SOCS5: variants seen among roughly 807,000 people sequenced by gnomAD.
SOCS5 encodes the protein CIS-6.
In SOCS5, 32 loss-of-function variants were observed where a neutral mutation model predicts 42.8. That is an observed-to-expected ratio of 0.75 (90% CI 0.56 to 1.01). The LOEUF (loss-of-function observed/expected upper bound fraction) is 1.01, where lower values mean the gene tolerates loss of function less well. Ranked by LOEUF, SOCS5 falls within the 50% of genes least tolerant of loss-of-function variation. The pLI is 0.00. For synonymous variants in SOCS5, 283 were observed against 229.6 expected (o/e 1.23, Z -2.10); for missense variants, 627 against 653.0 (o/e 0.96, Z 0.43).
At chr2:46,720,751 C>G (rs1283669666) in intron 1 of SOCS5, among the ~76,000 whole-genome samples, 1 of 152,110 alleles carries the variant, frequency 6.6e-6, no homozygotes, top group Admixed American at 6.6e-5. Context: ...ACAGCTGATG[C>G]ATCATAGGGG....
intron 1 of SOCS5, among the ~76,000 whole-genome samples, chr2:46,704,414 C>T (rs1393200950): frequency 6.6e-6 from 1 of 152,204 alleles, no homozygotes; most frequent in African/African-American, 2.4e-5. Context: ...GATACGGGAA[C>T]TGCAGGTTAG....
At chr2:46,748,535 G>A (rs1429922313) in intron 1 of SOCS5, among the ~76,000 whole-genome samples, 1 of 151,996 alleles carries the variant, frequency 6.6e-6, no homozygotes, top group Non-Finnish European at 1.5e-5. Flanking sequence ...CCAAAAAGGG[G>A]CACGCATTGT....
Position 46,758,542 on chromosome 2 carries a change from G to C in SOCS5, c.12G>C (p.Val4=). 1 of 1,586,698 alleles carries C rather than the reference G, an allele frequency of 6.3e-7. No individual in the cohort carries two copies. Among genetic ancestry groups the C allele is most frequent in the South Asian group, 1.2e-5 (1 of 85,762 alleles). MDK[V]GKMWNNFKYR... Reference sequence around the variant, plus strand: ...AGATTTTATAATCAATGGATAAAGTGGGAAAAATGTGGAATAACTTCAAAT... The same window carrying C: ...AGATTTTATAATCAATGGATAAAGTCGGAAAAATGTGGAATAACTTCAAAT... Residue 4 remains valine (V), a synonymous_variant, in exon 2 of 2, where the codon GTG becomes GTC. Coordinates refer to ENST00000394861, the MANE Select transcript of SOCS5 (RefSeq NM_144949.3).
intron 1 of SOCS5, among the ~76,000 whole-genome samples, chr2:46,702,196 G>A (rs1001656084): frequency 6.6e-6 from 1 of 152,120 alleles, no homozygotes; most frequent in Non-Finnish European, 1.5e-5. Flanking sequence ...ATTCTCTGTG[G>A]TTCGTTAGAT....
intron 1 of SOCS5, among the ~76,000 whole-genome samples, chr2:46,732,508 C>T (rs376827759): frequency 6.6e-6 from 1 of 152,226 alleles, no homozygotes; most frequent in Admixed American, 6.5e-5. Context: ...AAAAGAAACA[C>T]TGTTAATGAA....
chr2:46,723,836 TA>T (rs1386141335), intron 1 of SOCS5, among the ~76,000 whole-genome samples: 1 of 152,084 alleles, frequency 6.6e-6, no homozygotes, highest in Non-Finnish European at 1.5e-5. Context: ...AGAATTGTGT[TA>T]AATCTGTAGA....
In SOCS5 at chr2:46,752,131, C is replaced by A. The variant is rs1243543032; in HGVS notation, c.-12-6388C>A. ...GAGAAAATGTTTGCTGAACCCTGTA[C>A]CACATTAGAGAAACCTATTTAGTTC... On this transcript the variant is annotated intron_variant, in intron 1 of 1. Coordinates refer to ENST00000394861, the MANE Select transcript of SOCS5 (RefSeq NM_144949.3). 2.6e-5 allele frequency among the ~76,000 whole-genome samples: 4 copies of A among 151,834 alleles called. No individual in the cohort carries two copies. The South Asian group carries it at 8.3e-4, about 31-fold the overall frequency.
Position 46,758,585 on chromosome 2 carries a change from T to C in SOCS5, c.55T>C (p.Phe19Leu). The C allele has an allele frequency of 5.0e-6, 8 of 1,611,778 alleles. No homozygotes were observed. Among genetic ancestry groups the C allele is most frequent in the Non-Finnish European group, 6.8e-6 (8 of 1,178,710 alleles). Reference sequence around the variant, plus strand: ...CTTCAAATACAGGTGTCAGAATCTCTTCGGTCATGAGGGAGGAAGCCGTAG... The same window carrying C: ...CTTCAAATACAGGTGTCAGAATCTCCTCGGTCATGAGGGAGGAAGCCGTAG... Reference protein sequence around the residue: ...NNFKYRCQNLFGHEGGSRSEN... With the variant: ...NNFKYRCQNLLGHEGGSRSEN... Residue 19 changes from phenylalanine (F) to leucine (L), a missense_variant, in exon 2 of 2, where the codon TTC becomes CTC. Physicochemically the swap from Phe to Leu is conservative, Grantham distance 22. Coordinates refer to ENST00000394861, the MANE Select transcript of SOCS5 (RefSeq NM_144949.3).
chr2:46,710,373 C>T (rs1252033204), intron 1 of SOCS5, among the ~76,000 whole-genome samples: 1 of 152,122 alleles, frequency 6.6e-6, no homozygotes, highest in Non-Finnish European at 1.5e-5. Flanking sequence ...TCTCAAACTG[C>T]TGACCTCGTG....
intron 1 of SOCS5, among the ~76,000 whole-genome samples, chr2:46,748,228 C>G (rs1336715524): frequency 6.6e-6 from 1 of 150,834 alleles, no homozygotes; most frequent in Non-Finnish European, 1.5e-5. Context: ...CTCTGTCACC[C>G]AGGCTGGAGT....
intron 1 of SOCS5, among the ~76,000 whole-genome samples, chr2:46,711,462 C>T (rs1224021962): frequency 6.6e-6 from 1 of 152,090 alleles, no homozygotes; most frequent in Admixed American, 6.5e-5. Flanking sequence ...TAACCAGTTA[C>T]CAATTTTATG....
intron 1 of SOCS5, among the ~76,000 whole-genome samples, chr2:46,726,307 A>G (rs1221291254): frequency 6.6e-6 from 1 of 152,058 alleles, no homozygotes; most frequent in East Asian, 1.9e-4. Context: ...CATACTGGCC[A>G]GACTGATCTA....
intron 1 of SOCS5, among the ~76,000 whole-genome samples, chr2:46,728,447 A>G (rs1673043220): frequency 6.6e-6 from 1 of 152,160 alleles, no homozygotes; most frequent in Non-Finnish European, 1.5e-5. Flanking sequence ...GGCACTTATT[A>G]CATATATTAT....
rs35187667 is a variant in SOCS5 at position 46,716,367 on chromosome 2, A to ATTTTTTTTTTTTTTTTTTTTT, written c.-13+16927_-13+16947dup. 4.7e-4 allele frequency among the ~76,000 whole-genome samples: 8 copies of ATTTTTTTTTTTTTTTTTTTTT among 17,014 alleles called. 1 individual carries two copies. Among genetic ancestry groups the ATTTTTTTTTTTTTTTTTTTTT allele is most frequent in the Admixed American group, 9.7e-4 (1 of 1,034 alleles). The allele number at this position is 17,014 out of a possible 152,430, so 11.2% of individuals were successfully genotyped here. A position where few individuals can be genotyped will look rare whatever the true frequency, so the allele number is the denominator to read the frequency against. On this transcript the variant is annotated intron_variant, in intron 1 of 1. Transcript: ENST00000394861. ...GGATTTCATGATGTTGAGTGTCTTC[A>ATTTTTTTTTTTTTTTTTTTTT]TTTTTTTTTTTTTTTTTTTTTTTTT...
Position 46,743,716 on chromosome 2 carries a change from G to A in SOCS5, c.-12-14803G>A, listed in dbSNP as rs138244253. Among the ~76,000 whole-genome samples, 32 of 152,210 alleles carry A rather than the reference G, an allele frequency of 2.1e-4. 1 individual carries two copies. The highest frequency in any genetic ancestry group is 7.0e-4 in the African/African-American group (29 of 41,500). On this transcript the variant is annotated intron_variant, in intron 1 of 1. Transcript: ENST00000394861. The stretch of plus-strand genomic sequence containing the variant: ...GTTCACATGCCTCTGGCAAACATAT[G>A]TATACTTGAACATTTAGTATAATGA...
At chr2:46,701,520 A>T (rs1672343138) in intron 1 of SOCS5, among the ~76,000 whole-genome samples, 1 of 152,154 alleles carries the variant, frequency 6.6e-6, no homozygotes, top group African/African-American at 2.4e-5. Context: ...TCCAGTCCAG[A>T]GATTGCTTTA....
intron 1 of SOCS5, among the ~76,000 whole-genome samples, chr2:46,737,325 G>A (rs1390676827): frequency 1.3e-5 from 2 of 152,148 alleles, no homozygotes; most frequent in Non-Finnish European, 2.9e-5. Flanking sequence ...ATCATGACTG[G>A]ACAATGAGAA....
At chr2:46,730,452 T>C (rs1256957945) in intron 1 of SOCS5, among the ~76,000 whole-genome samples, 1 of 151,950 alleles carries the variant, frequency 6.6e-6, no homozygotes, top group Non-Finnish European at 1.5e-5. Context: ...AATACAAAAT[T>C]AGCCAGGCAT....
Position 46,762,781 on chromosome 2 carries a change from G to A in SOCS5, c.*2640G>A, listed in dbSNP as rs1673898569. On this transcript the variant is annotated 3_prime_UTR_variant, in exon 2 of 2. Coordinates refer to ENST00000394861, the MANE Select transcript of SOCS5 (RefSeq NM_144949.3). ...TAAATACAAACCAGGAATTTCTTTAGAAGTTGAGATACATCTTTATAGTTG... is the reference window on the plus strand; with the variant it reads ...TAAATACAAACCAGGAATTTCTTTAAAAGTTGAGATACATCTTTATAGTTG... The A allele has an allele frequency of 6.1e-6, 1 of 165,056 alleles. No homozygotes were observed. The highest frequency in any genetic ancestry group is 1.5e-5 in the Non-Finnish European group (1 of 68,080). The allele number at this position is 165,056 out of a possible 1,614,324, so 10.2% of individuals were successfully genotyped here. A position where few individuals can be genotyped will look rare whatever the true frequency, so the allele number is the denominator to read the frequency against.
Sources: allele counts gnomAD v4.1 joint callset (sites outside exome capture counted in the v4.1 genomes callset), GRCh38; gene constraint gnomAD v4.1.1; transcripts MANE v1.5; gene names NCBI Gene and HGNC (gene_info 2026-07-23, HGNC 2026-07-21).